Variants in GNA14 observed in about 807,000 individuals in gnomAD.
GNA14 encodes guanine nucleotide-binding protein subunit alpha-14.
Under a neutral mutation model 42.0 loss-of-function variants are expected in GNA14, and 50 were observed. That is an observed-to-expected ratio of 1.19 (90% CI 0.95 to 1.51). The LOEUF (loss-of-function observed/expected upper bound fraction) is 1.51, where lower values mean the gene tolerates loss of function less well. GNA14 is among the 40% of genes most tolerant of loss of function. GNA14 has a pLI of 0.00. For missense variants in GNA14, 473 were observed against 446.2 expected (o/e 1.06, Z -0.54); for synonymous variants, 173 against 163.1 (o/e 1.06, Z -0.46).
chr9:77,528,984 C>T, intron 2 of GNA14, 85 bp downstream of exon 2: 1 of 1,175,016 alleles, frequency 8.5e-7, no homozygotes, highest in South Asian at 1.3e-5. Context: ...TGGCATCTGA[C>T]CAAAGCACTG....
intron 1 of GNA14, among the ~76,000 whole-genome samples, chr9:77,616,245 C>T (rs1823815602): frequency 1.3e-5 from 2 of 152,192 alleles, no homozygotes; most frequent in South Asian, 4.1e-4. Flanking sequence ...GTGGCTGGTT[C>T]ATTAAGATTA....
chr9:77,446,049 G>A (rs1835812308), intron 2 of GNA14, among the ~76,000 whole-genome samples: 1 of 152,242 alleles, frequency 6.6e-6, no homozygotes, highest in Admixed American at 6.5e-5. Flanking sequence ...CCAGGGCCCT[G>A]CTGGGGAAAA....
chr9:77,508,040 T>C (rs1255094065), intron 2 of GNA14, among the ~76,000 whole-genome samples: 1 of 152,110 alleles, frequency 6.6e-6, no homozygotes, highest in Non-Finnish European at 1.5e-5. Context: ...TATTAGTGGG[T>C]TTAGTCATGT....
At chr9:77,441,946 C>T (rs1381100048) in intron 2 of GNA14, among the ~76,000 whole-genome samples, 1 of 152,214 alleles carries the variant, frequency 6.6e-6, no homozygotes, top group South Asian at 2.1e-4. Context: ...AGGAGTTTTT[C>T]CTATAGAAAA....
At chr9:77,432,599 T>C (rs1835575523) in intron 3 of GNA14, among the ~76,000 whole-genome samples, 1 of 152,090 alleles carries the variant, frequency 6.6e-6, no homozygotes, top group Non-Finnish European at 1.5e-5. Context: ...CTGGCCCAGA[T>C]GGAGAAAACG....
intron 1 of GNA14, among the ~76,000 whole-genome samples, chr9:77,608,298 A>C (rs2117936464): frequency 6.6e-6 from 1 of 152,344 alleles, no homozygotes; most frequent in Non-Finnish European, 1.5e-5. Context: ...TGGATTTTGA[A>C]TGTGCATAAT....
At position 77,543,372 on chromosome 9, in the gene GNA14, G is replaced by A. The variant is rs547834057; in HGVS notation, c.125-14119C>T. On this transcript the variant is annotated intron_variant, in intron 1 of 6. Coordinates refer to ENST00000341700, the MANE Select transcript of GNA14 (RefSeq NM_004297.4). ...GGATTTGTCCTCAAGATGTGTGAAA[G>A]GGCCTGACCTCCTCTGTTCCTCTTT... 4.6e-5 allele frequency among the ~76,000 whole-genome samples: 7 copies of A among 152,314 alleles called. No individual in the cohort carries two copies. The South Asian group carries it at 1.0e-3, about 23-fold the overall frequency.
intron 1 of GNA14, among the ~76,000 whole-genome samples, chr9:77,606,598 T>C (rs1823649423): frequency 6.6e-6 from 1 of 152,194 alleles, no homozygotes; most frequent in Non-Finnish European, 1.5e-5. Context: ...GTGCAACTTA[T>C]CAAAGGCTCA....
At chr9:77,634,252 T>C (rs1167165479) in intron 1 of GNA14, among the ~76,000 whole-genome samples, 2 of 151,402 alleles carry the variant, frequency 1.3e-5, no homozygotes. Context: ...ACACCTTGTA[T>C]CTACAATAAA....
chr9:77,519,418 G>GA lies in GNA14; in HGVS notation c.309+9650dup, dbSNP rs370430699. The stretch of plus-strand genomic sequence containing the variant: ...ACGGCGAGACTCTGCCTCAAAAGAA[G>GA]AAAAAAAAATTAAAACAAAACCAAA... On this transcript the variant is annotated intron_variant, in intron 2 of 6. Coordinates refer to ENST00000341700, the MANE Select transcript of GNA14 (RefSeq NM_004297.4). Among the ~76,000 whole-genome samples, 26 of 150,738 alleles carry GA rather than the reference G, an allele frequency of 1.7e-4. No homozygotes were observed. In the South Asian group the frequency reaches 1.9e-3, roughly 11 times the overall value.
chr9:77,576,817 C>T (rs1823135563), intron 1 of GNA14, among the ~76,000 whole-genome samples: 1 of 151,966 alleles, frequency 6.6e-6, no homozygotes, highest in Non-Finnish European at 1.5e-5. Context: ...ATACACCTTT[C>T]CCAATTTATG....
chr9:77,504,660 CTT>C lies in GNA14; in HGVS notation c.309+24407_309+24408del, dbSNP rs34631344. ...GCCATGGTTCTAGAAGTCTGGCCGA[CTT>C]TTTTTTTTTTTTTTTTTTTTTTGGA... On this transcript the variant is annotated intron_variant, in intron 2 of 6. Transcript: ENST00000341700. Among the ~76,000 whole-genome samples, 345 of 76,190 alleles carry C rather than the reference CTT, an allele frequency of 4.5e-3. 4 individuals carry two copies. Among genetic ancestry groups the C allele is most frequent in the African/African-American group, 0.017 (321 of 19,252 alleles). 50.0% of individuals were successfully genotyped at this position (76,190 alleles called of 152,430 possible). A position where few individuals can be genotyped will look rare whatever the true frequency, so the allele number is the denominator to read the frequency against.
At chr9:77,587,523 T>C (rs556146039) in intron 1 of GNA14, among the ~76,000 whole-genome samples, 10 of 152,198 alleles carry the variant, frequency 6.6e-5, no homozygotes, top group African/African-American at 2.2e-4. Context: ...TTTAAAATAT[T>C]TGCCAAGCAA....
intron 2 of GNA14, among the ~76,000 whole-genome samples, chr9:77,449,845 G>A (rs905924612): frequency 6.6e-6 from 1 of 152,234 alleles, no homozygotes; most frequent in African/African-American, 2.4e-5. Context: ...CAAAACGCCA[G>A]AGCATAATCT....
chr9:77,436,676 T>G (rs541401343), intron 2 of GNA14, among the ~76,000 whole-genome samples: 1 of 152,282 alleles, frequency 6.6e-6, no homozygotes, highest in South Asian at 2.1e-4. Context: ...CTCTACTCTC[T>G]CAATGTAAAA....
chr9:77,623,216 C>CAAAAAAAAAAAA lies in GNA14; in HGVS notation c.124+24442_124+24453dup, dbSNP rs34368561. On this transcript the variant is annotated intron_variant, in intron 1 of 6. Transcript: ENST00000341700. ...TGGGCAAAAGAGTGAGACGCTGTCTCAAAAAAAAAAAAAAAAAAAAAAAAA... is the reference window on the plus strand; with the variant it reads ...TGGGCAAAAGAGTGAGACGCTGTCTCAAAAAAAAAAAAAAAAAAAAAAAAAAAAAAAAAAAAA... Among the ~76,000 whole-genome samples the CAAAAAAAAAAAA allele has an allele frequency of 8.2e-4, 22 of 26,850 alleles. 2 individuals carry two copies. Among genetic ancestry groups the CAAAAAAAAAAAA allele is most frequent in the East Asian group, 2.4e-3 (1 of 416 alleles). 17.6% of individuals were successfully genotyped at this position (26,850 alleles called of 152,430 possible).
Position 77,551,957 on chromosome 9 carries a change from T to C in GNA14, c.125-22704A>G, listed in dbSNP as rs1325425892. Among the ~76,000 whole-genome samples the C allele has an allele frequency of 4.6e-5, 7 of 151,764 alleles. No homozygotes were observed. In the East Asian group the frequency reaches 1.4e-3, roughly 30 times the overall value. ...GAGTTCGAGACCAGCCTGGCCAACG[T>C]GGTGAAATCCTGTCTCTATTAAAAA... On this transcript the variant is annotated intron_variant, in intron 1 of 6. Transcript: ENST00000341700.
intron 1 of GNA14, among the ~76,000 whole-genome samples, chr9:77,608,278 G>C (rs961869632): frequency 1.1e-4 from 16 of 152,168 alleles, no homozygotes; most frequent in African/African-American, 3.9e-4. Context: ...ACCTATGCCT[G>C]CATCATCAAT....
intron 1 of GNA14, among the ~76,000 whole-genome samples, chr9:77,587,741 T>C (rs1057094100): frequency 6.6e-6 from 1 of 152,230 alleles, no homozygotes; most frequent in African/African-American, 2.4e-5. Context: ...ATGTACTAAA[T>C]GCCGCTGAAT....
Sources: allele counts gnomAD v4.1 joint callset (sites outside exome capture counted in the v4.1 genomes callset), GRCh38; gene constraint gnomAD v4.1.1; transcripts MANE v1.5; gene names NCBI Gene and HGNC (gene_info 2026-07-23, HGNC 2026-07-21).